EPHA6: variants seen among roughly 807,000 people sequenced by gnomAD.
EPHA6 encodes the protein EPH receptor A6.
Under a neutral mutation model 112.0 loss-of-function variants are expected in EPHA6, and 50 were observed. That is an observed-to-expected ratio of 0.45 (90% CI 0.36 to 0.56). The LOEUF is 0.56. Among genes scored for constraint, EPHA6 ranks in the 20% least tolerant of loss-of-function variants. EPHA6 has a pLI of 0.00. For missense variants in EPHA6, 1,280 were observed against 1,417.4 expected (o/e 0.90, Z 1.56); for synonymous variants, 529 against 490.7 (o/e 1.08, Z -1.03).
chr3:97,540,849 T>C (rs887544564), intron 11 of EPHA6, among the ~76,000 whole-genome samples: 1 of 152,150 alleles, frequency 6.6e-6, no homozygotes, highest in Non-Finnish European at 1.5e-5. Context: ...ATAAAAAATC[T>C]CTCCCAAATC....
chr3:97,615,971 A>G (rs550370672), intron 13 of EPHA6, among the ~76,000 whole-genome samples: 1 of 152,206 alleles, frequency 6.6e-6, no homozygotes, highest in Non-Finnish European at 1.5e-5. Context: ...TCTACAAAAA[A>G]GTGACTAGAC....
At chr3:97,310,270 G>A (rs1031685559) in intron 5 of EPHA6, among the ~76,000 whole-genome samples, 1 of 151,424 alleles carries the variant, frequency 6.6e-6, no homozygotes, top group Non-Finnish European at 1.5e-5. Flanking sequence ...GGATTTGCTG[G>A]CAGGCAATGG....
chr3:97,058,980 C>G (rs535647218), intron 3 of EPHA6, among the ~76,000 whole-genome samples: 49 of 152,250 alleles, frequency 3.2e-4, no homozygotes, highest in Middle Eastern at 3.4e-3. Flanking sequence ...ACTGGGGCAG[C>G]ATGGAGGAGT....
chr3:96,945,481 T>A (rs75930737), intron 2 of EPHA6, among the ~76,000 whole-genome samples: 3 of 152,170 alleles, frequency 2.0e-5, no homozygotes, highest in African/African-American at 4.8e-5. Flanking sequence ...ACCAGCTTAC[T>A]CAAATATGTT....
chr3:96,968,172 G>C (rs1460248860), intron 2 of EPHA6, among the ~76,000 whole-genome samples: 1 of 151,562 alleles, frequency 6.6e-6, no homozygotes, highest in African/African-American at 2.4e-5. Flanking sequence ...AATATTGACT[G>C]TGTTAGGTAT....
intron 5 of EPHA6, among the ~76,000 whole-genome samples, chr3:97,324,439 T>TTCTTTC (rs1159769280): frequency 1.4e-5 from 2 of 147,794 alleles, no homozygotes; most frequent in East Asian, 3.9e-4. Context: ...CTTTCTTTCT[T>TTCTTTC]TCTTTCTTTC....
chr3:97,445,082 T>C (rs1291619148), intron 6 of EPHA6, among the ~76,000 whole-genome samples: 1 of 152,190 alleles, frequency 6.6e-6, no homozygotes, highest in African/African-American at 2.4e-5. Flanking sequence ...CTATTTTTTT[T>C]TAATTTGGAT....
At chr3:97,610,729 C>T in intron 12 of EPHA6, 64 bp from the exon 13 acceptor site, 1 of 1,327,036 alleles carries the variant, frequency 7.5e-7, no homozygotes, top group Non-Finnish European at 1.1e-6. Context: ...CTGGGTATCT[C>T]TTAACTGCAG....
At chr3:97,092,646 C>A (rs2047108882) in intron 3 of EPHA6, among the ~76,000 whole-genome samples, 1 of 151,740 alleles carries the variant, frequency 6.6e-6, no homozygotes, top group East Asian at 1.9e-4. Context: ...AACTGGCTAC[C>A]AAGGTTATTG....
At chr3:97,355,885 C>T (rs190538589) in intron 5 of EPHA6, among the ~76,000 whole-genome samples, 33 of 152,138 alleles carry the variant, frequency 2.2e-4, no homozygotes, top group Non-Finnish European at 4.0e-4. Context: ...AGTAGCTATA[C>T]GTATATCAGA....
chr3:96,982,711 G>T (rs967723971), intron 2 of EPHA6, among the ~76,000 whole-genome samples: 4 of 152,144 alleles, frequency 2.6e-5, no homozygotes, highest in African/African-American at 9.7e-5. Context: ...AGATCTCAAA[G>T]GACTTGCTTT....
chr3:97,399,858 G>T (rs1345115234), intron 5 of EPHA6, among the ~76,000 whole-genome samples: 1 of 151,480 alleles, frequency 6.6e-6, no homozygotes, highest in Admixed American at 6.6e-5. Flanking sequence ...ATGAATAGTA[G>T]TTTGCAAATA....
chr3:96,881,089 C>A (rs1576223460), intron 2 of EPHA6, among the ~76,000 whole-genome samples: 1 of 152,096 alleles, frequency 6.6e-6, no homozygotes, highest in Non-Finnish European at 1.5e-5. Context: ...TTACATGGAA[C>A]CACCAAACTG....
chr3:97,358,093 G>A (rs1344143781), intron 5 of EPHA6, among the ~76,000 whole-genome samples: 1 of 152,174 alleles, frequency 6.6e-6, no homozygotes, highest in African/African-American at 2.4e-5. Context: ...TGTTTTTCAA[G>A]GGTCAACTGT....
intron 2 of EPHA6, among the ~76,000 whole-genome samples, chr3:96,954,442 A>G (rs1232949357): frequency 6.6e-6 from 1 of 152,134 alleles, no homozygotes; most frequent in East Asian, 1.9e-4. Flanking sequence ...GCTGTTTATC[A>G]TATAAGCTGT....
At chr3:97,184,437 C>T (rs2077067950) in intron 3 of EPHA6, among the ~76,000 whole-genome samples, 1 of 152,078 alleles carries the variant, frequency 6.6e-6, no homozygotes, top group Non-Finnish European at 1.5e-5. Context: ...AATAGAGAGG[C>T]AAATCATCAG....
intron 5 of EPHA6, among the ~76,000 whole-genome samples, chr3:97,324,942 A>G (rs1272065086): frequency 6.6e-6 from 1 of 152,100 alleles, no homozygotes; most frequent in African/African-American, 2.4e-5. Flanking sequence ...GATAAATGTG[A>G]GTCAATGAGT....
At chr3:97,277,079 G>C (rs1364642962) in intron 5 of EPHA6, among the ~76,000 whole-genome samples, 1 of 152,116 alleles carries the variant, frequency 6.6e-6, no homozygotes, top group Non-Finnish European at 1.5e-5. Context: ...CTGTAGAAAA[G>C]GAAGAAAGAC....
In EPHA6 at chr3:97,068,489, A is replaced by C. The variant is rs545519058; in HGVS notation, c.1114+80496A>C. Among the ~76,000 whole-genome samples the C allele has an allele frequency of 2.6e-5, 4 of 152,230 alleles. No homozygotes were observed. The South Asian group carries it at 8.3e-4, about 32-fold the overall frequency. On this transcript the variant is annotated intron_variant, in intron 3 of 17. Coordinates refer to ENST00000389672, the MANE Select transcript of EPHA6 (RefSeq NM_001080448.3). Reference sequence around the variant, plus strand: ...GAAGAGAATAGTCAGCAAGCGACAGATGAATAAATTGCCTTTGTCCAGAGC... The same window carrying C: ...GAAGAGAATAGTCAGCAAGCGACAGCTGAATAAATTGCCTTTGTCCAGAGC...
Sources: gnomAD v4.1 joint callset for allele counts (sites outside exome capture counted in the v4.1 genomes callset) on GRCh38, gnomAD v4.1.1 for gene constraint, MANE v1.5 for transcripts, NCBI Gene and HGNC (gene_info 2026-07-23, HGNC 2026-07-21) for gene names.